Variants in GALNT13 observed in about 807,000 individuals in gnomAD.
GALNT13 encodes UDP-GalNAc:polypeptide N-acetylgalactosaminyltransferase 13.
A neutral mutation model predicts 64.2 loss-of-function variants in GALNT13; 28 were observed. The observed-to-expected ratio is 0.44, with a 90% CI of 0.32 to 0.60. The LOEUF is 0.60. Ranked by LOEUF, GALNT13 falls within the 20% of genes least tolerant of loss-of-function variation. The probability of loss-of-function intolerance (pLI) is 0.05; values close to 1 mark genes in which losing one functional copy is unlikely to be tolerated. For missense variants in GALNT13, 577 were observed against 669.8 expected (o/e 0.86, Z 1.53); for synonymous variants, 214 against 224.6 (o/e 0.95, Z 0.42).
the GALNT13 span, among the ~76,000 whole-genome samples, chr2:153,193,484 A>G: frequency 6.6e-6 from 1 of 150,694 alleles, no homozygotes; most frequent in Non-Finnish European, 1.5e-5. Flanking sequence ...ATTGGGAGAT[A>G]TACCTAATGC....
chr2:153,375,366 G>C, the GALNT13 span, among the ~76,000 whole-genome samples: 3 of 152,038 alleles, frequency 2.0e-5, no homozygotes, highest in East Asian at 1.9e-4. Context: ...ACGGATAAAT[G>C]GCATCTTTAG....
At chr2:153,978,536 C>T (rs535386336) in intron 3 of GALNT13, among the ~76,000 whole-genome samples, 2 of 152,160 alleles carry the variant, frequency 1.3e-5, no homozygotes, top group Non-Finnish European at 2.9e-5. Flanking sequence ...ATGCTATTCT[C>T]GTGATAGTGA....
intron 11 of GALNT13, among the ~76,000 whole-genome samples, chr2:154,415,757 A>G (rs868389049): frequency 6.6e-6 from 1 of 152,158 alleles, no homozygotes; most frequent in African/African-American, 2.4e-5. Flanking sequence ...AATATGTTCT[A>G]ATGTACTCAC....
At chr2:153,087,572 T>C in the GALNT13 span, among the ~76,000 whole-genome samples, 1 of 152,214 alleles carries the variant, frequency 6.6e-6, no homozygotes, top group Admixed American at 6.5e-5. Context: ...CTTTTCTGAA[T>C]GTCTGATAGA....
chr2:154,245,869 G>A lies in GALNT13; in HGVS notation c.744G>A (p.Met248Ile). 2 of 1,612,858 alleles carry A rather than the reference G, an allele frequency of 1.2e-6. No homozygotes were observed. Among genetic ancestry groups the A allele is most frequent in the Non-Finnish European group, 1.7e-6 (2 of 1,179,144 alleles). Residue 248 changes from methionine (M) to isoleucine (I), a missense_variant, in exon 7 of 13, where the codon ATG becomes ATA. Physicochemically the swap from Met to Ile is conservative, Grantham distance 10 (BLOSUM62 1). Transcript: ENST00000392825. ...DVISDDTFEY[M>I]AGSDMTYGGF... ...TTAGTGATGATACTTTTGAATATAT[G>A]GCTGGGTCAGACATGACTTATGGGG...
At chr2:154,384,717 A>T (rs545705335) in intron 9 of GALNT13, among the ~76,000 whole-genome samples, 1 of 151,940 alleles carries the variant, frequency 6.6e-6, no homozygotes, top group Non-Finnish European at 1.5e-5. Context: ...ACTGATGTTC[A>T]TGTGTTTCCT....
At chr2:154,182,934 A>AT (rs1573826643) in intron 4 of GALNT13, among the ~76,000 whole-genome samples, 1 of 151,640 alleles carries the variant, frequency 6.6e-6, no homozygotes, top group East Asian at 1.9e-4. Context: ...GTTTGCTGGC[A>AT]TTTTTTTCAG....
At chr2:153,956,217 A>G (rs1692557524) in intron 3 of GALNT13, among the ~76,000 whole-genome samples, 2 of 152,234 alleles carry the variant, frequency 1.3e-5, no homozygotes, top group South Asian at 4.1e-4. Flanking sequence ...AACAGCAGTC[A>G]TAATCAGAGG....
At chr2:154,045,779 G>A (rs1040959227) in intron 3 of GALNT13, among the ~76,000 whole-genome samples, 5 of 152,160 alleles carry the variant, frequency 3.3e-5, no homozygotes, top group African/African-American at 1.2e-4. Flanking sequence ...ACCAAACGAA[G>A]CAATAACAAA....
the GALNT13 span, among the ~76,000 whole-genome samples, chr2:153,654,440 T>C: frequency 1.3e-5 from 2 of 152,064 alleles, no homozygotes; most frequent in Admixed American, 6.6e-5. Flanking sequence ...TAAAAGGTTT[T>C]ATTTGTTTGA....
chr2:153,255,617 T>C, the GALNT13 span, among the ~76,000 whole-genome samples: 3 of 152,178 alleles, frequency 2.0e-5, no homozygotes, highest in African/African-American at 7.2e-5. Flanking sequence ...GTTGTTCCTT[T>C]CCATGTTTAG....
At chr2:153,380,634 T>C in the GALNT13 span, among the ~76,000 whole-genome samples, 1 of 152,100 alleles carries the variant, frequency 6.6e-6, no homozygotes, top group East Asian at 1.9e-4. Context: ...TGTATGTGAA[T>C]GTACGTAGTA....
chr2:154,102,490 A>G (rs1189000574), intron 3 of GALNT13, among the ~76,000 whole-genome samples: 3 of 152,178 alleles, frequency 2.0e-5, no homozygotes, highest in Admixed American at 6.5e-5. Flanking sequence ...CAAAGGCATG[A>G]GAATAGTATA....
chr2:153,429,193 A>T, the GALNT13 span, among the ~76,000 whole-genome samples: 6 of 152,192 alleles, frequency 3.9e-5, no homozygotes, highest in Admixed American at 2.0e-4. Context: ...TCATTACTCC[A>T]TAGTTTTCCT....
chr2:153,835,066 A>T, the GALNT13 span, among the ~76,000 whole-genome samples: 11 of 152,242 alleles, frequency 7.2e-5, no homozygotes, highest in East Asian at 2.1e-3. Flanking sequence ...AAGAGAAGAC[A>T]GTCTGGTCCT....
Position 154,058,350 on chromosome 2 carries a change from A to T in GALNT13, c.143-81987A>T, listed in dbSNP as rs184486981. 2.0e-5 allele frequency among the ~76,000 whole-genome samples: 3 copies of T among 152,302 alleles called. No homozygotes were observed. In the East Asian group the frequency reaches 5.8e-4, roughly 29 times the overall value. The stretch of plus-strand genomic sequence containing the variant: ...AAGTCTGTGGTATTTTGTTGTAACA[A>T]CCTGAGCTGATTAAAACAGCCATAA... On this transcript the variant is annotated intron_variant, in intron 3 of 12. Transcript: ENST00000392825.
At chr2:153,990,819 A>G (rs1332917020) in intron 3 of GALNT13, among the ~76,000 whole-genome samples, 1 of 152,214 alleles carries the variant, frequency 6.6e-6, no homozygotes, top group African/African-American at 2.4e-5. Flanking sequence ...TCAGATGAAT[A>G]TTTTAGAAAA....
the GALNT13 span, among the ~76,000 whole-genome samples, chr2:153,706,440 T>C: frequency 1.3e-5 from 2 of 152,212 alleles, no homozygotes. Flanking sequence ...GGGGATAATA[T>C]CTCAACTAGA....
chr2:154,174,531 A>G (rs1262392261), intron 4 of GALNT13, among the ~76,000 whole-genome samples: 1 of 152,126 alleles, frequency 6.6e-6, no homozygotes, highest in Non-Finnish European at 1.5e-5. Flanking sequence ...GATACACACG[A>G]CCTTTGAAAA....
Sources: allele counts gnomAD v4.1 joint callset (sites outside exome capture counted in the v4.1 genomes callset), GRCh38; gene constraint gnomAD v4.1.1; transcripts MANE v1.5; gene names NCBI Gene and HGNC (gene_info 2026-07-23, HGNC 2026-07-21).